Variants in PCDHA1 observed in about 807,000 individuals in gnomAD.
PCDHA1 encodes the protein protocadherin alpha 1.
In PCDHA1, 42 loss-of-function variants were observed where a neutral mutation model predicts 61.3. The observed-to-expected ratio is 0.69, with a 90% confidence interval of 0.54 to 0.89. The LOEUF (loss-of-function observed/expected upper bound fraction) is 0.89. PCDHA1 is among the 40% of genes least tolerant of loss of function. The pLI is 0.00. For synonymous variants in PCDHA1, 610 were observed against 553.8 expected, an observed-to-expected ratio of 1.10 and a Z score of -1.43; for missense variants, 1,256 against 1,235.3, an observed-to-expected ratio of 1.02 and a Z score of -0.25.
Position 140,842,785 on chromosome 5 carries a change from G to C in PCDHA1, c.2394+54101G>C, listed in dbSNP as rs2150344223. On this transcript the variant is annotated intron_variant, in intron 1 of 3. Coordinates refer to ENST00000504120, the MANE Select transcript of PCDHA1 (RefSeq NM_018900.4). ...GAGACGCGGACGCGCAGGAGAACGC[G>C]CTGGTGTCCTACTCGCTTGTGGAGC... 6.5e-5 allele frequency: 103 copies of C among 1,594,472 alleles called. 8 individuals carry two copies. Among genetic ancestry groups the C allele is most frequent in the South Asian group, 4.4e-4 (40 of 90,456 alleles).
At position 141,010,447 on chromosome 5, in the gene PCDHA1, A is replaced by G. The variant is rs1343052000; in HGVS notation, c.*510A>G. On this transcript the variant is annotated 3_prime_UTR_variant, in exon 4 of 4. Coordinates refer to ENST00000504120, the MANE Select transcript of PCDHA1 (RefSeq NM_018900.4). Reference sequence around the variant, plus strand: ...GGCAAGAAAACAAAGACAAATAAACAGCGGAAGTTATCAGTATGGAGGGGA... The same window carrying G: ...GGCAAGAAAACAAAGACAAATAAACGGCGGAAGTTATCAGTATGGAGGGGA... 2 of 935,278 alleles carry G rather than the reference A, an allele frequency of 2.1e-6. No homozygotes were observed. Among genetic ancestry groups the G allele is most frequent in the Non-Finnish European group, 3.1e-6 (2 of 648,428 alleles). The allele number at this position is 935,278 out of a possible 1,614,324, so 57.9% of individuals were successfully genotyped here.
At chr5:141,000,417 A>ATTTTT (rs1563652061) in intron 3 of PCDHA1, among the ~76,000 whole-genome samples, 3 of 77,750 alleles carry the variant, frequency 3.9e-5, no homozygotes, top group Non-Finnish European at 7.0e-5. Flanking sequence ...ATATATATAT[A>ATTTTT]TATATTTTTT....
In PCDHA1 at chr5:140,829,267, C is replaced by G. The variant is rs2150164900; in HGVS notation, c.2394+40583C>G. 1.1e-5 allele frequency: 18 copies of G among 1,614,126 alleles called. No homozygotes were observed. Among genetic ancestry groups the G allele is most frequent in the African/African-American group, 2.7e-5 (2 of 74,954 alleles). ...AGGTGAACTGCTCGCTGACGCCTCA[C>G]GTCCCTTTCAAGCTGGTGTCCACCT... On this transcript the variant is annotated intron_variant, in intron 1 of 3. Coordinates refer to ENST00000504120, the MANE Select transcript of PCDHA1 (RefSeq NM_018900.4).
At chr5:140,858,472 T>C in intron 1 of PCDHA1, 1 of 1,518,184 alleles carries the variant, frequency 6.6e-7, no homozygotes. Context: ...TTTTGTGCTT[T>C]ATGAATAATA....
Position 140,828,799 on chromosome 5 carries a change from T to C in PCDHA1, c.2394+40115T>C, listed in dbSNP as rs112419059. 8.7e-3 allele frequency: 14,110 copies of C among 1,614,220 alleles called. 76 individuals carry two copies. The highest frequency in any genetic ancestry group is 0.011 in the Non-Finnish European group (12,596 of 1,180,026). ...TGCTGGTCACAGTGCTGGATGTGAATGATAATGCTCCCACTTTCGAACAGT... is the reference window on the plus strand; with the variant it reads ...TGCTGGTCACAGTGCTGGATGTGAACGATAATGCTCCCACTTTCGAACAGT... On this transcript the variant is annotated intron_variant, in intron 1 of 3. Coordinates refer to ENST00000504120, the MANE Select transcript of PCDHA1 (RefSeq NM_018900.4).
chr5:140,868,182 A>T (rs565452965), intron 1 of PCDHA1: 1 of 152,260 alleles, frequency 6.6e-6, no homozygotes, highest in African/African-American at 2.4e-5. Context: ...ATCTCATATT[A>T]TGCTACTATG....
intron 1 of PCDHA1, among the ~76,000 whole-genome samples, chr5:140,960,717 T>TATTTTAGTCCATG (rs1244851083): frequency 3.3e-5 from 1 of 30,264 alleles, no homozygotes; most frequent in Non-Finnish European, 6.2e-5. Flanking sequence ...ATACTCATCT[T>TATTTTAGTCCATG]ATTTTAGTCC....
At chr5:140,803,596 G>A (rs1763244716) in intron 1 of PCDHA1, 2 of 1,614,106 alleles carry the variant, frequency 1.2e-6, no homozygotes, top group Admixed American at 1.7e-5. Context: ...GCCAAAGTGA[G>A]TAATTTTTAT....
chr5:140,862,630 C>T (rs138501125), intron 1 of PCDHA1: 7 of 535,352 alleles, frequency 1.3e-5, no homozygotes, highest in Non-Finnish European at 2.7e-5. Flanking sequence ...GCGGGGCTGC[C>T]ACGACTTCAC....
At chr5:140,916,596 G>A (rs1482287916) in intron 1 of PCDHA1, among the ~76,000 whole-genome samples, 3 of 152,194 alleles carry the variant, frequency 2.0e-5, no homozygotes, top group Non-Finnish European at 4.4e-5. Context: ...GCTAGGGCCT[G>A]GAATGCGGGC....
intron 1 of PCDHA1, among the ~76,000 whole-genome samples, chr5:140,971,016 A>G (rs1554232958): frequency 6.6e-6 from 1 of 152,208 alleles, no homozygotes; most frequent in African/African-American, 2.4e-5. Flanking sequence ...AAGTCTTTAG[A>G]TCGTAGCATT....
Position 140,787,826 on chromosome 5 carries a change from G to A in PCDHA1, c.1536G>A (p.Ala512=), listed in dbSNP as rs782276205. 22 of 1,612,640 alleles carry A rather than the reference G, an allele frequency of 1.4e-5. No individual in the cohort carries two copies. The highest frequency in any genetic ancestry group is 1.6e-5 in the Non-Finnish European group (19 of 1,179,782). Reference sequence around the variant, plus strand: ...TGTCGAACTACGTGTCAGTGCACGCGGAGAGCGGCAAGGTGTACGCACTGC... The same window carrying A: ...TGTCGAACTACGTGTCAGTGCACGCAGAGAGCGGCAAGGTGTACGCACTGC... The part of the protein sequence containing the change: ...RALSNYVSVH[A]ESGKVYALQP... Residue 512 remains alanine, a synonymous_variant, in exon 1 of 4, where the codon GCG becomes GCA. Coordinates refer to ENST00000504120, the MANE Select transcript of PCDHA1 (RefSeq NM_018900.4).
At chr5:140,896,346 G>T (rs1466880160) in intron 1 of PCDHA1, among the ~76,000 whole-genome samples, 18 of 151,992 alleles carry the variant, frequency 1.2e-4, no homozygotes, top group Non-Finnish European at 2.5e-4. Flanking sequence ...TTATATTCCC[G>T]CCAGCAGTGT....
Position 140,868,861 on chromosome 5 carries a change from T to G in PCDHA1, c.2394+80177T>G, listed in dbSNP as rs539900578. The G allele has an allele frequency of 3.6e-3, 1,881 of 525,394 alleles. 11 individuals carry two copies. Among genetic ancestry groups the G allele is most frequent in the Non-Finnish European group, 4.6e-3 (1,438 of 315,638 alleles). 32.5% of individuals were successfully genotyped at this position (525,394 alleles called of 1,614,324 possible). On this transcript the variant is annotated intron_variant, in intron 1 of 3. Coordinates refer to ENST00000504120, the MANE Select transcript of PCDHA1 (RefSeq NM_018900.4). ...ACACGTGAAATTCTGTGGTGGTAAA[T>G]GCAGTGCACAGTACTCACAGTTTTA...
chr5:140,858,279 G>C, intron 1 of PCDHA1: 1 of 1,597,396 alleles, frequency 6.3e-7, no homozygotes, highest in Non-Finnish European at 8.6e-7. Context: ...AGCGCGGTGG[G>C]GAGCTGGTCT....
intron 1 of PCDHA1, chr5:140,966,642 G>A (rs897727830): frequency 8.9e-7 from 1 of 1,117,790 alleles, no homozygotes; most frequent in East Asian, 3.1e-5. Flanking sequence ...GCGCTTTCTA[G>A]AGCGTGAGCG....
chr5:140,836,027 C>A lies in PCDHA1; in HGVS notation c.2394+47343C>A. On this transcript the variant is annotated intron_variant, in intron 1 of 3. Coordinates refer to ENST00000504120, the MANE Select transcript of PCDHA1 (RefSeq NM_018900.4). ...CGGGCGTGCCGCCTCTGGGCAGCAA[C>A]GTGACGCTGCAGGTGTTCGTGCTGG... The A allele has an allele frequency of 1.9e-6, 3 of 1,613,456 alleles. No individual in the cohort carries two copies. The highest frequency in any genetic ancestry group is 1.3e-5 in the African/African-American group (1 of 75,020).
chr5:140,884,535 C>T (rs142468733), intron 1 of PCDHA1: 2 of 1,613,918 alleles, frequency 1.2e-6, no homozygotes, highest in African/African-American at 1.3e-5. Flanking sequence ...CAGAGGCGGC[C>T]GAGGGTGTGC....
Position 140,788,284 on chromosome 5 carries a change from T to G in PCDHA1, c.1994T>G (p.Val665Gly). 6.2e-7 allele frequency: 1 copy of G among 1,614,008 alleles called. No individual in the cohort carries two copies. Among genetic ancestry groups the G allele is most frequent in the Non-Finnish European group, 8.5e-7 (1 of 1,179,940 alleles). Reference sequence around the variant, plus strand: ...CCGGCGCTGACAGCCACGGCCACTGTGCTTGTATCTCTGGTGGAGAGCGGC... The same window carrying G: ...CCGGCGCTGACAGCCACGGCCACTGGGCTTGTATCTCTGGTGGAGAGCGGC... ...GEPALTATATVLVSLVESGQA... is the reference protein window; with the variant it reads ...GEPALTATATGLVSLVESGQA... The change falls in exon 1 of 4, where the codon GTG becomes GGG. Residue 665 changes from valine (V) to glycine (G), a missense_variant. Coordinates refer to ENST00000504120, the MANE Select transcript of PCDHA1 (RefSeq NM_018900.4).
Sources: gnomAD v4.1 joint callset for allele counts (sites outside exome capture counted in the v4.1 genomes callset) on GRCh38, gnomAD v4.1.1 for gene constraint, MANE v1.5 for transcripts, NCBI Gene and HGNC (gene_info 2026-07-23, HGNC 2026-07-21) for gene names.